The following NAV2 variants were observed in gnomAD, a reference collection of about 807,000 sequenced individuals.
NAV2 encodes the protein helicase, APC down-regulated 1.
A neutral mutation model predicts 223.2 loss-of-function variants in NAV2; 54 were observed. That is an observed-to-expected ratio of 0.24 (90% CI 0.19 to 0.30). NAV2 has a LOEUF of 0.30. NAV2 is among the 10% of genes least tolerant of loss of function. NAV2 has a pLI of 1.00. For missense variants in NAV2, 2,806 were observed against 3,147.5 expected (o/e 0.89, Z 2.60); for synonymous variants, 1,279 against 1,239.3 (o/e 1.03, Z -0.67).
chr11:19,384,138 C>G (rs958004653), intron 1 of NAV2, among the ~76,000 whole-genome samples: 3 of 152,160 alleles, frequency 2.0e-5, no homozygotes, highest in African/African-American at 7.2e-5. Context: ...AATTACATAA[C>G]AGTGTATGTT....
chr11:19,452,107 A>AGTGTGT (rs60628637), intron 1 of NAV2, among the ~76,000 whole-genome samples: 63 of 146,762 alleles, frequency 4.3e-4, no homozygotes, highest in Middle Eastern at 3.5e-3. Flanking sequence ...AGGTTACAAA[A>AGTGTGT]GTGTGTGTGT....
chr11:19,456,767 T>A (rs1041330122), intron 1 of NAV2, among the ~76,000 whole-genome samples: 2 of 152,250 alleles, frequency 1.3e-5, no homozygotes, highest in African/African-American at 4.8e-5. Context: ...GCTCATGCTC[T>A]CTACCCCATT....
chr11:19,393,300 G>A (rs1245461422), intron 1 of NAV2, among the ~76,000 whole-genome samples: 1 of 152,206 alleles, frequency 6.6e-6, no homozygotes, highest in Non-Finnish European at 1.5e-5. Context: ...TCTGATAAAG[G>A]TGCCAGACAG....
chr11:19,490,021 T>C (rs578107054), intron 1 of NAV2, among the ~76,000 whole-genome samples: 176 of 152,316 alleles, frequency 1.2e-3, no homozygotes, highest in African/African-American at 4.1e-3. Context: ...CCAGTACATA[T>C]AGAAGTTATA....
At chr11:19,527,648 C>T (rs770877209) in intron 1 of NAV2, among the ~76,000 whole-genome samples, 33 of 151,100 alleles carry the variant, frequency 2.2e-4, no homozygotes, top group Non-Finnish European at 1.0e-4. Context: ...CAACTCTCTC[C>T]GCATCCAGCA....
chr11:19,364,711 G>A (rs990500024), intron 1 of NAV2, among the ~76,000 whole-genome samples: 1 of 152,164 alleles, frequency 6.6e-6, no homozygotes, highest in Non-Finnish European at 1.5e-5. Flanking sequence ...CAGATGCCAC[G>A]GTAGCAGTAC....
chr11:20,027,214 C>T, intron 11 of NAV2: 1 of 962,098 alleles, frequency 1.0e-6, no homozygotes, highest in Non-Finnish European at 1.2e-6. Context: ...ATGTAGGTAG[C>T]CAAACCCTTT....
At chr11:19,836,563 CAA>C (rs34706618) in intron 2 of NAV2, among the ~76,000 whole-genome samples, 78 of 82,538 alleles carry the variant, frequency 9.5e-4, no homozygotes, top group Non-Finnish European at 1.4e-3. Context: ...GACTCTGTCT[CAA>C]AAAAAAAAAA....
chr11:19,347,689 T>C (rs766957197), upstream of NAV2, among the ~76,000 whole-genome samples: 1 of 152,214 alleles, frequency 6.6e-6, no homozygotes, highest in Non-Finnish European at 1.5e-5. Flanking sequence ...TTCTGACTTA[T>C]GACACAGAGA....
At chr11:20,061,356 G>GGCTGGGTGGATCACCTGAA (rs2058689457) in intron 19 of NAV2, among the ~76,000 whole-genome samples, 1 of 152,090 alleles carries the variant, frequency 6.6e-6, no homozygotes, top group South Asian at 2.1e-4. Context: ...GATCACCTGA[G>GGCTGGGTGGATCACCTGAA]ACTGGGAGTT....
chr11:20,086,977 G>A (rs1336159626), intron 26 of NAV2, among the ~76,000 whole-genome samples: 1 of 152,154 alleles, frequency 6.6e-6, no homozygotes, highest in Non-Finnish European at 1.5e-5. Context: ...GGTGTCGAAA[G>A]CTGGGCAACT....
At chr11:19,840,797 A>G (rs972216029) in intron 2 of NAV2, among the ~76,000 whole-genome samples, 3 of 152,190 alleles carry the variant, frequency 2.0e-5, no homozygotes, top group Admixed American at 6.5e-5. Flanking sequence ...TTCTTGATTC[A>G]TTGAGATATT....
Position 20,092,259 on chromosome 11 carries a change from A to G in NAV2, c.5706A>G (p.Gln1902=). The G allele has an allele frequency of 1.2e-6, 2 of 1,614,226 alleles. No individual in the cohort carries two copies. The highest frequency in any genetic ancestry group is 1.7e-6 in the Non-Finnish European group (2 of 1,180,026). ...ATGATCGGCTGAAGTCAGAGTCTCA[A>G]GGCAGTGGCTGCAGCCGGGCTCCTT... ...AENDRLKSES[Q]GSGCSRAPSQ... Residue 1902 remains glutamine (Q), a synonymous_variant, in exon 28 of 38, where the codon CAA becomes CAG. Transcript: ENST00000349880.
intron 1 of NAV2, among the ~76,000 whole-genome samples, chr11:19,428,613 C>A (rs118016711): frequency 3.3e-5 from 5 of 152,196 alleles, no homozygotes; most frequent in African/African-American, 4.8e-5. Context: ...TACTTGAATG[C>A]GAAATTTAAT....
chr11:19,409,737 G>A (rs1052478430), intron 1 of NAV2, among the ~76,000 whole-genome samples: 2 of 152,124 alleles, frequency 1.3e-5, no homozygotes, highest in Non-Finnish European at 2.9e-5. Context: ...GTGGACTTAT[G>A]GCCCTGTCTC....
intron 1 of NAV2, among the ~76,000 whole-genome samples, chr11:19,591,804 T>C (rs1258363702): frequency 1.3e-5 from 2 of 152,218 alleles, no homozygotes; most frequent in African/African-American, 2.4e-5. Context: ...GGAAGATCTC[T>C]TTGCTTCCTG....
chr11:19,867,103 ATTTGTTCTCAAAAGCAGG>A (rs2062141774), intron 3 of NAV2, among the ~76,000 whole-genome samples: 1 of 152,198 alleles, frequency 6.6e-6, no homozygotes, highest in Non-Finnish European at 1.5e-5. Flanking sequence ...GATAGTTAAC[ATTTGTTCTCAAAAGCAGG>A]GTTTCATGGT....
At chr11:19,648,183 G>C (rs72905873) in intron 1 of NAV2, among the ~76,000 whole-genome samples, 1 of 152,106 alleles carries the variant, frequency 6.6e-6, no homozygotes, top group East Asian at 1.9e-4. Flanking sequence ...TATTAAAAAC[G>C]AAGGTAATAA....
intron 1 of NAV2, among the ~76,000 whole-genome samples, chr11:19,793,597 T>C (rs1590574685): frequency 6.6e-6 from 1 of 152,342 alleles, no homozygotes; most frequent in Non-Finnish European, 1.5e-5. Flanking sequence ...CTGGGCTTCC[T>C]GCTTCTGCTC....
Sources: gnomAD v4.1 joint callset for allele counts (sites outside exome capture counted in the v4.1 genomes callset) on GRCh38, gnomAD v4.1.1 for gene constraint, MANE v1.5 for transcripts, NCBI Gene and HGNC (gene_info 2026-07-23, HGNC 2026-07-21) for gene names.